ANGPT4: variants seen among roughly 807,000 people sequenced by gnomAD.
ANGPT4 encodes the protein angiopoietin 4, also known as angiopoietin-4.
Under a neutral mutation model 53.0 loss-of-function variants are expected in ANGPT4, and 50 were observed. The ratio of observed to expected loss-of-function variants is 0.94; its 90% CI spans 0.75 to 1.20. ANGPT4 has a LOEUF of 1.20. Among genes scored for constraint, ANGPT4 ranks in the 50% most tolerant of loss-of-function variants. ANGPT4 has a pLI of 0.00. For synonymous variants in ANGPT4, 251 were observed against 259.7 expected (o/e 0.97, Z 0.32); for missense variants, 648 against 637.1 (o/e 1.02, Z -0.18).
At chr20:881,539 G>T (rs996577547) in intron 4 of ANGPT4, among the ~76,000 whole-genome samples, 1 of 152,196 alleles carries the variant, frequency 6.6e-6, no homozygotes, top group Non-Finnish European at 1.5e-5. Context: ...AGGCCCCAAG[G>T]TAGGAAGGGC....
intron 1 of ANGPT4, among the ~76,000 whole-genome samples, chr20:892,719 CTGG>C (rs1185705504): frequency 6.6e-6 from 1 of 152,150 alleles, no homozygotes; most frequent in Non-Finnish European, 1.5e-5. Context: ...GTTGCCCAGG[CTGG>C]AGTGCAGTGA....
chr20:879,556 A>G, intron 6 of ANGPT4, among the ~76,000 whole-genome samples, 191 bp downstream of exon 6: 1 of 152,174 alleles, frequency 6.6e-6, no homozygotes, highest in East Asian at 1.9e-4. Context: ...CTTAGAACAT[A>G]TGTCAGAACT....
At chr20:899,373 G>T (rs989315156) in intron 1 of ANGPT4, among the ~76,000 whole-genome samples, 3 of 151,692 alleles carry the variant, frequency 2.0e-5, no homozygotes, top group Non-Finnish European at 4.4e-5. Flanking sequence ...TCAGCCTCCC[G>T]AGTAGCTGGG....
rs1982850028 is a variant in ANGPT4 at position 914,647 on chromosome 20, A to G, written c.309+1259T>C. Among the ~76,000 whole-genome samples the G allele has an allele frequency of 6.6e-6, 1 of 152,026 alleles. No individual in the cohort carries two copies. Among genetic ancestry groups the G allele is most frequent in the Non-Finnish European group, 1.5e-5 (1 of 67,976 alleles). On this transcript the variant is annotated intron_variant, in intron 1 of 8. Coordinates refer to ENST00000381922, the MANE Select transcript of ANGPT4 (RefSeq NM_015985.4). This position sits in a 1 kb window ranked among gnomAD's most constrained non-coding sequence, Gnocchi z 5.0. ...TTTAATACCTTCTAAAACTCCAGGAATTAGTTCGCATCCTTCATTCCTCAG... is the reference window on the plus strand; with the variant it reads ...TTTAATACCTTCTAAAACTCCAGGAGTTAGTTCGCATCCTTCATTCCTCAG...
At chr20:894,676 C>T (rs1042548118) in intron 1 of ANGPT4, among the ~76,000 whole-genome samples, 1 of 152,206 alleles carries the variant, frequency 6.6e-6, no homozygotes, top group African/African-American at 2.4e-5. Context: ...TACTGAGCAC[C>T]TGCTCCAAGT....
chr20:884,894 C>CTA (rs1338023638), intron 4 of ANGPT4, among the ~76,000 whole-genome samples, 184 bp downstream of exon 4: 1 of 152,088 alleles, frequency 6.6e-6, no homozygotes, highest in Non-Finnish European at 1.5e-5. Context: ...GGGACAGGGC[C>CTA]TGGATTGGGA....
intron 3 of ANGPT4, among the ~76,000 whole-genome samples, chr20:887,443 T>C (rs1355493449): frequency 2.6e-5 from 4 of 152,212 alleles, no homozygotes; most frequent in African/African-American, 4.8e-5. Flanking sequence ...GGGGATCTTA[T>C]GGCCTTATCC....
At chr20:891,456 A>G (rs1981845350) in intron 1 of ANGPT4, among the ~76,000 whole-genome samples, 1 of 152,202 alleles carries the variant, frequency 6.6e-6, no homozygotes, top group South Asian at 2.1e-4. Flanking sequence ...TGCTGTTGTA[A>G]AGGTGAACAG....
Position 874,266 on chromosome 20 carries a change from A to G in ANGPT4, c.1351+18T>C, listed in dbSNP as rs759473822. ...TGAGCCTGTGGGTGGGCGGAGCTTC[A>G]CCCCACCCTGCACCTACCTCCAGAC... On this transcript the variant is annotated intron_variant, in intron 8 of 8. Coordinates refer to ENST00000381922, the MANE Select transcript of ANGPT4 (RefSeq NM_015985.4). 2 of 1,613,194 alleles carry G rather than the reference A, an allele frequency of 1.2e-6. No homozygotes were observed. The highest frequency in any genetic ancestry group is 2.7e-5 in the African/African-American group (2 of 74,846).
At chr20:875,774 G>T (rs1981142381) in intron 7 of ANGPT4, among the ~76,000 whole-genome samples, 1 of 152,128 alleles carries the variant, frequency 6.6e-6, no homozygotes, top group South Asian at 2.1e-4. Flanking sequence ...TGTTTGTATG[G>T]CAGGGTTGGG....
rs535754893 is a variant in ANGPT4 at position 878,470 on chromosome 20, C to A, written c.1054-143G>T. On this transcript the variant is annotated intron_variant, in intron 6 of 8. Transcript: ENST00000381922. ...ATCGAGTTCATAAGTACAGTGTAGG[C>A]AGGACTGGGAGTAGGAGCCCTCCAC... The A allele has an allele frequency of 7.9e-5, 58 of 736,024 alleles. 1 individual carries two copies. The African/African-American group carries it at 9.0e-4, about 11-fold the overall frequency. 45.6% of individuals were successfully genotyped at this position (736,024 alleles called of 1,614,324 possible).
At chr20:900,862 G>T (rs117847049) in intron 1 of ANGPT4, among the ~76,000 whole-genome samples, 6,528 of 151,518 alleles carry the variant, frequency 0.043, 190 homozygotes, top group Middle Eastern at 0.11. Context: ...CTCAATTCTT[G>T]GTCCTTTAAT....
intron 4 of ANGPT4, among the ~76,000 whole-genome samples, chr20:884,424 G>C (rs1981527460): frequency 6.6e-6 from 1 of 152,194 alleles, no homozygotes; most frequent in Non-Finnish European, 1.5e-5. Context: ...CCCAGCACTG[G>C]GCCTGCCACA....
In ANGPT4 at chr20:881,614, G is replaced by A. The variant is rs574269484; in HGVS notation, c.836-328C>T. On this transcript the variant is annotated intron_variant, in intron 4 of 8. Coordinates refer to ENST00000381922, the MANE Select transcript of ANGPT4 (RefSeq NM_015985.4). ...AAGGCTGAGGCCAAGGAGAGGAAAT[G>A]ACTCACACCGTGAGAGAGGAGTTGA... is the stretch of plus-strand genomic sequence containing the variant. Among the ~76,000 whole-genome samples, 14 of 152,312 alleles carry A rather than the reference G, an allele frequency of 9.2e-5. No individual in the cohort carries two copies. The East Asian group carries it at 2.7e-3, about 29-fold the overall frequency.
intron 1 of ANGPT4, among the ~76,000 whole-genome samples, chr20:899,447 G>A (rs534081): frequency 1 from 151,665 of 151,890 alleles, 75,721 homozygotes; most frequent in South Asian, 1. Flanking sequence ...TAGAGACGGG[G>A]TTTCACCGTG....
intron 1 of ANGPT4, among the ~76,000 whole-genome samples, chr20:899,213 CCT>C (rs1326604859): frequency 2.6e-5 from 4 of 151,958 alleles, no homozygotes; most frequent in Non-Finnish European, 5.9e-5. Context: ...CTGCTAGACT[CCT>C]TAAAACTCCC....
chr20:915,862 C>T (rs1298923690), intron 1 of ANGPT4, 44 bp downstream of exon 1: 1 of 1,525,882 alleles, frequency 6.6e-7, no homozygotes, highest in African/African-American at 1.4e-5. Flanking sequence ...GTGACAGACC[C>T]CAAAGCCGCC....
intron 8 of ANGPT4, 147 bp downstream of exon 8, chr20:874,137 G>T: frequency 8.2e-7 from 1 of 1,218,630 alleles, no homozygotes; most frequent in Non-Finnish European, 1.1e-6. Flanking sequence ...AAGGGGCACA[G>T]CCAGGTGAGC....
intron 1 of ANGPT4, among the ~76,000 whole-genome samples, chr20:907,321 T>C (rs1031288932): frequency 4.6e-5 from 7 of 151,912 alleles, no homozygotes; most frequent in Non-Finnish European, 8.8e-5. Flanking sequence ...AAGGAGAAGA[T>C]GAGGAGTGTG....
Sources: allele counts gnomAD v4.1 joint callset (sites outside exome capture counted in the v4.1 genomes callset), GRCh38; gene constraint gnomAD v4.1.1; non-coding constraint Gnocchi (gnomAD v3.1); transcripts MANE v1.5; gene names NCBI Gene and HGNC (gene_info 2026-07-23, HGNC 2026-07-21).